Variants in THADA observed in about 807,000 individuals in gnomAD.
THADA encodes the protein tRNA (32-2'-O)-methyltransferase regulator THADA.
A neutral mutation model predicts 219.8 loss-of-function variants in THADA; 213 were observed. The observed-to-expected ratio is 0.97, with a 90% CI of 0.87 to 1.09. The LOEUF (loss-of-function observed/expected upper bound fraction) is 1.09. Among genes scored for constraint, THADA ranks in the 50% least tolerant of loss-of-function variants. THADA has a pLI of 0.00. For synonymous variants in THADA, 1,018 were observed against 828.9 expected, an observed-to-expected ratio of 1.23 and a Z score of -3.92; for missense variants, 2,956 against 2,311.3, an observed-to-expected ratio of 1.28 and a Z score of -5.72.
intron 13 of THADA, among the ~76,000 whole-genome samples, chr2:43,570,974 G>A (rs921994103): frequency 1.3e-4 from 20 of 152,336 alleles, no homozygotes; most frequent in African/African-American, 4.3e-4. Flanking sequence ...AAGGCCTTTT[G>A]GCCATGTGTG....
At chr2:43,545,186 G>C (rs1695860853) in intron 20 of THADA, among the ~76,000 whole-genome samples, 1 of 151,628 alleles carries the variant, frequency 6.6e-6, no homozygotes, top group African/African-American at 2.4e-5. Flanking sequence ...TTATTGATTT[G>C]CATATATTGA....
At chr2:43,437,900 G>A (rs1680323900) in intron 26 of THADA, among the ~76,000 whole-genome samples, 1 of 152,098 alleles carries the variant, frequency 6.6e-6, no homozygotes, top group Non-Finnish European at 1.5e-5. Context: ...GAACTCAAGT[G>A]ATCACTGAAT....
intron 25 of THADA, among the ~76,000 whole-genome samples, chr2:43,488,301 T>C (rs1687160319): frequency 1.3e-5 from 2 of 152,224 alleles, no homozygotes; most frequent in African/African-American, 4.8e-5. Flanking sequence ...AATATTTTCA[T>C]TACCTCAAAA....
rs566479019 is a variant in THADA, at chr2:43,370,569, A to T, written c.4228-26332T>A. Among the ~76,000 whole-genome samples, 317 of 152,370 alleles carry T rather than the reference A, an allele frequency of 2.1e-3. 1 individual carries two copies. The highest frequency in any genetic ancestry group is 7.2e-3 in the African/African-American group (299 of 41,584). ...TAAATTATATAAAACAGAATGGAATATAGGCCCCTTTCTAAAACAGTGGAA... is the reference window on the plus strand; with the variant it reads ...TAAATTATATAAAACAGAATGGAATTTAGGCCCCTTTCTAAAACAGTGGAA... On this transcript the variant is annotated intron_variant, in intron 29 of 37. Transcript: ENST00000405975.
chr2:43,360,846 G>A (rs557828086), intron 29 of THADA, among the ~76,000 whole-genome samples: 1 of 152,292 alleles, frequency 6.6e-6, no homozygotes, highest in South Asian at 2.1e-4. Flanking sequence ...TGAGGACAGT[G>A]GGACAACAGG....
At chr2:43,335,337 A>T (rs1666290081) in intron 30 of THADA, among the ~76,000 whole-genome samples, 1 of 152,186 alleles carries the variant, frequency 6.6e-6, no homozygotes, top group Non-Finnish European at 1.5e-5. Context: ...CCCTCAACAA[A>T]TGATAGTAGT....
intron 15 of THADA, 188 bp downstream of exon 15, chr2:43,566,510 G>A: frequency 2.7e-6 from 2 of 744,352 alleles, no homozygotes; most frequent in Non-Finnish European, 4.9e-6. Context: ...TCAATGAAAA[G>A]GGAGATAGTT....
At chr2:43,315,948 T>G (rs992939946) in intron 31 of THADA, among the ~76,000 whole-genome samples, 1 of 152,242 alleles carries the variant, frequency 6.6e-6, no homozygotes, top group Non-Finnish European at 1.5e-5. Flanking sequence ...TCCTTGGACT[T>G]TGGCCTGTGA....
At chr2:43,322,448 G>T (rs1271970736) in intron 30 of THADA, among the ~76,000 whole-genome samples, 1 of 151,762 alleles carries the variant, frequency 6.6e-6, no homozygotes, top group East Asian at 2.0e-4. Flanking sequence ...AGGTTGCAGT[G>T]AGCTGAGATC....
intron 19 of THADA, among the ~76,000 whole-genome samples, chr2:43,550,689 G>A (rs1256429799): frequency 2.0e-5 from 3 of 152,102 alleles, no homozygotes; most frequent in Admixed American, 2.0e-4. Context: ...ATCCTCTGTA[G>A]GATCTACCCA....
intron 21 of THADA, among the ~76,000 whole-genome samples, chr2:43,537,334 T>C (rs1311449994): frequency 1.3e-5 from 2 of 152,208 alleles, no homozygotes; most frequent in African/African-American, 2.4e-5. Flanking sequence ...TCTAAGCCCT[T>C]TGACGTCACA....
intron 16 of THADA, among the ~76,000 whole-genome samples, chr2:43,558,676 C>T (rs1331970976): frequency 6.6e-6 from 1 of 152,180 alleles, no homozygotes; most frequent in Non-Finnish European, 1.5e-5. Context: ...TTCCTTGCTC[C>T]TCAGCTTGCA....
chr2:43,563,058 T>C (rs972913682), intron 15 of THADA: 1 of 152,236 alleles, frequency 6.6e-6, no homozygotes, highest in Non-Finnish European at 1.5e-5. Flanking sequence ...TTCTGTTTTC[T>C]ATTTCATTTA....
intron 26 of THADA, among the ~76,000 whole-genome samples, chr2:43,438,289 G>T (rs762660657): frequency 1.8e-5 from 2 of 112,386 alleles, no homozygotes; most frequent in South Asian, 6.5e-4. Flanking sequence ...GAGACAGAGC[G>T]ACTCCATCTC....
At chr2:43,473,945 G>A (rs548498415) in intron 26 of THADA, among the ~76,000 whole-genome samples, 1 of 152,110 alleles carries the variant, frequency 6.6e-6, no homozygotes, top group Non-Finnish European at 1.5e-5. Flanking sequence ...GCACAGCAGA[G>A]GTAGGTTTTA....
chr2:43,453,851 T>C (rs926165495), intron 26 of THADA, among the ~76,000 whole-genome samples: 2 of 152,242 alleles, frequency 1.3e-5, no homozygotes, highest in Admixed American at 6.5e-5. Context: ...TTCAACTATA[T>C]TTCTTATAGC....
chr2:43,556,639 T>C, intron 16 of THADA, 84 bp from the exon 17 acceptor site: 2 of 1,307,950 alleles, frequency 1.5e-6, no homozygotes, highest in Non-Finnish European at 2.1e-6. Context: ...AAACACAGCC[T>C]GGAGCTGAGT....
intron 36 of THADA, among the ~76,000 whole-genome samples, chr2:43,266,693 T>C (rs1464461926): frequency 6.6e-6 from 1 of 152,092 alleles, no homozygotes; most frequent in African/African-American, 2.4e-5. Context: ...AGGAGGAGTC[T>C]CCTAAAGAAT....
intron 29 of THADA, among the ~76,000 whole-genome samples, chr2:43,397,708 C>A (rs991165772): frequency 6.6e-6 from 1 of 150,804 alleles, no homozygotes; most frequent in Non-Finnish European, 1.5e-5. Context: ...GAGGTGAGGC[C>A]AAGTGGGAGA....
Sources: allele counts gnomAD v4.1 joint callset (sites outside exome capture counted in the v4.1 genomes callset), GRCh38; gene constraint gnomAD v4.1.1; transcripts MANE v1.5; gene names NCBI Gene and HGNC (gene_info 2026-07-23, HGNC 2026-07-21).